KYAT3: variants seen among roughly 807,000 people sequenced by gnomAD.
KYAT3 encodes the protein kynurenine aminotransferase 3, also known as kynurenine--oxoglutarate transaminase 3.
Under a neutral mutation model 59.0 loss-of-function variants are expected in KYAT3, and 50 were observed. That is an observed-to-expected ratio of 0.85 (90% CI 0.68 to 1.07). KYAT3 has a LOEUF of 1.07. Among genes scored for constraint, KYAT3 ranks in the 50% least tolerant of loss-of-function variants. The pLI, the probability that KYAT3 is intolerant of heterozygous loss-of-function variation, is 0.00. For synonymous variants in KYAT3, 148 were observed against 177.0 expected, an observed-to-expected ratio of 0.84 and a Z score of 1.30; for missense variants, 497 against 533.3, an observed-to-expected ratio of 0.93 and a Z score of 0.67.
chr1:88,922,468 G>A, the KYAT3 span, among the ~76,000 whole-genome samples: 1 of 152,190 alleles, frequency 6.6e-6, no homozygotes, highest in African/African-American at 2.4e-5. Flanking sequence ...CAGGAGGTGA[G>A]CGGTGGGTGA....
chr1:88,988,908 A>G (rs1180876030), intron 1 of KYAT3, among the ~76,000 whole-genome samples: 2 of 152,230 alleles, frequency 1.3e-5, no homozygotes, highest in Non-Finnish European at 2.9e-5. Flanking sequence ...AATTCCCACA[A>G]GCCATTTTAG....
chr1:88,975,051 T>C (rs768458348), intron 2 of KYAT3, among the ~76,000 whole-genome samples: 19 of 152,102 alleles, frequency 1.2e-4, no homozygotes, highest in Admixed American at 6.6e-5. Flanking sequence ...TGCTCACTCT[T>C]TGGGTCCGCA....
intron 2 of KYAT3, among the ~76,000 whole-genome samples, chr1:88,985,823 C>T (rs1183641193): frequency 6.6e-6 from 1 of 152,116 alleles, no homozygotes; most frequent in Non-Finnish European, 1.5e-5. Context: ...TAACTTTGCA[C>T]TAAAGGAGGC....
chr1:88,979,942 A>G (rs1676996835), intron 2 of KYAT3: 1 of 152,244 alleles, frequency 6.6e-6, no homozygotes, highest in South Asian at 2.1e-4. Context: ...GGTGAGTAGA[A>G]AAACAAATAA....
intron 8 of KYAT3, among the ~76,000 whole-genome samples, chr1:88,956,454 C>G (rs1465270409): frequency 6.6e-6 from 1 of 152,142 alleles, no homozygotes; most frequent in Non-Finnish European, 1.5e-5. Context: ...TATTCATTAG[C>G]AACCACCAGG....
At chr1:88,965,136 A>T (rs1052763714) in intron 4 of KYAT3, among the ~76,000 whole-genome samples, 158 bp from the exon 5 acceptor site, 4 of 152,226 alleles carry the variant, frequency 2.6e-5, no homozygotes, top group Admixed American at 6.5e-5. Flanking sequence ...TAAATTTTTT[A>T]AAATTTCCTA....
chr1:88,930,757 C>T, the KYAT3 span, among the ~76,000 whole-genome samples: 9 of 152,208 alleles, frequency 5.9e-5, no homozygotes, highest in South Asian at 2.1e-4. Context: ...TCCCAACTTC[C>T]GAGGGATCAC....
intron 2 of KYAT3, chr1:88,983,244 G>A (rs375166822): frequency 2.5e-6 from 4 of 1,613,412 alleles, no homozygotes; most frequent in South Asian, 2.2e-5. Flanking sequence ...GGTTCCCTTC[G>A]AGGTGGACCT....
the KYAT3 span, among the ~76,000 whole-genome samples, chr1:88,927,346 G>A: frequency 6.6e-6 from 1 of 152,120 alleles, no homozygotes; most frequent in Non-Finnish European, 1.5e-5. Flanking sequence ...CTCTTCAAGG[G>A]GGAGAAACCT....
At chr1:88,925,903 C>T in the KYAT3 span, among the ~76,000 whole-genome samples, 10 of 152,086 alleles carry the variant, frequency 6.6e-5, no homozygotes, top group African/African-American at 1.7e-4. Flanking sequence ...TCTCCCTGAC[C>T]CTATAACATT....
downstream of KYAT3, among the ~76,000 whole-genome samples, chr1:88,934,486 A>C (rs1427181112): frequency 6.6e-6 from 1 of 152,080 alleles, no homozygotes; most frequent in East Asian, 1.9e-4. Context: ...GAATGGTAGG[A>C]ATTGCTGCTG....
intron 2 of KYAT3, among the ~76,000 whole-genome samples, chr1:88,986,661 G>T (rs1356477048): frequency 6.6e-6 from 1 of 152,062 alleles, no homozygotes; most frequent in Non-Finnish European, 1.5e-5. Context: ...TTGTAAAAAA[G>T]CAAGTAATAC....
chr1:88,988,410 C>T lies in KYAT3; in HGVS notation c.-1-59G>A, dbSNP rs571151021. The T allele has an allele frequency of 6.6e-6, 6 of 909,488 alleles. No homozygotes were observed. In the African/African-American group the frequency reaches 9.9e-5, roughly 15 times the overall value. 56.3% of individuals were successfully genotyped at this position (909,488 alleles called of 1,614,324 possible). Reference sequence around the variant, plus strand: ...AAATATATGATGGGTACATCACTATCAGACACTTACAGCTAGCTGATGTAT... The same window carrying T: ...AAATATATGATGGGTACATCACTATTAGACACTTACAGCTAGCTGATGTAT... On this transcript the variant is annotated intron_variant, in intron 1 of 13. Transcript: ENST00000260508.
At chr1:88,983,283 G>C in intron 2 of KYAT3, 1 of 1,613,854 alleles carries the variant, frequency 6.2e-7, no homozygotes, top group Non-Finnish European at 8.5e-7. Context: ...CGTGATAGAG[G>C]AGCTCTTCCT....
At chr1:88,929,935 C>T in the KYAT3 span, among the ~76,000 whole-genome samples, 1 of 152,186 alleles carries the variant, frequency 6.6e-6, no homozygotes, top group East Asian at 1.9e-4. Flanking sequence ...AAGCCAATAC[C>T]CATTTAGTAA....
At chr1:88,935,775 C>T (rs777437272), downstream of KYAT3, 42 of 384,186 alleles carry the variant, frequency 1.1e-4, no homozygotes, top group Non-Finnish European at 1.7e-4. Context: ...AACATGAAAC[C>T]GGCTAAAGTC....
chr1:88,952,235 C>T (rs11579178), intron 10 of KYAT3, among the ~76,000 whole-genome samples: 47,635 of 152,120 alleles, frequency 0.31, 8,297 homozygotes, highest in Admixed American at 0.41. Context: ...TGTAATCAAT[C>T]GTCTGTAGAT....
intron 11 of KYAT3, among the ~76,000 whole-genome samples, 186 bp downstream of exon 11, chr1:88,948,905 G>A (rs1675555195): frequency 6.6e-6 from 1 of 152,068 alleles, no homozygotes; most frequent in Admixed American, 6.5e-5. Context: ...ATTTAACAAT[G>A]GTCACATTTA....
intron 2 of KYAT3, among the ~76,000 whole-genome samples, chr1:88,977,717 A>C (rs969754545): frequency 6.6e-6 from 1 of 152,208 alleles, no homozygotes; most frequent in Non-Finnish European, 1.5e-5. Context: ...GTAATGTCCT[A>C]GGCCTTCACA....
Sources: gnomAD v4.1 joint callset for allele counts (sites outside exome capture counted in the v4.1 genomes callset) on GRCh38, gnomAD v4.1.1 for gene constraint, MANE v1.5 for transcripts, NCBI Gene and HGNC (gene_info 2026-07-23, HGNC 2026-07-21) for gene names.